AGAP1: variants seen among roughly 807,000 people sequenced by gnomAD.
The protein encoded by AGAP1 is arf-GAP with GTPase, ANK repeat and PH domain-containing protein 1.
In AGAP1, 29 loss-of-function variants were observed where a neutral mutation model predicts 105.3. That is an observed-to-expected ratio of 0.28 (90% CI 0.21 to 0.38). The LOEUF is 0.38. Among genes scored for constraint, AGAP1 ranks in the 10% least tolerant of loss-of-function variants. The probability of loss-of-function intolerance (pLI) is 1.00; values close to 1 mark genes in which losing one functional copy is unlikely to be tolerated. For synonymous variants in AGAP1, 509 were observed against 485.9 expected (o/e 1.05, Z -0.63); for missense variants, 998 against 1,165.1 (o/e 0.86, Z 2.09).
Position 235,962,434 on chromosome 2 carries a change from A to G in AGAP1, c.1484-6028A>G, listed in dbSNP as rs908101592. 2.6e-5 allele frequency among the ~76,000 whole-genome samples: 4 copies of G among 152,072 alleles called. No individual in the cohort carries two copies. The highest frequency in any genetic ancestry group is 9.7e-5 in the African/African-American group (4 of 41,404). ...GTGCGATGCTGCCCGGCTGTATAAG[A>G]AAAACCGTGGGATGTGAGCGGGTTG... On this transcript the variant is annotated intron_variant, in intron 12 of 17. Transcript: ENST00000304032. The surrounding 1 kb of genome is among the most constrained non-coding windows in gnomAD (Gnocchi z 5.3).
chr2:235,695,763 A>G (rs888358401), intron 1 of AGAP1, among the ~76,000 whole-genome samples: 7 of 152,166 alleles, frequency 4.6e-5, no homozygotes, highest in Admixed American at 6.5e-5. Flanking sequence ...CAAAGAAACC[A>G]TGCGTATTCA....
intron 16 of AGAP1, among the ~76,000 whole-genome samples, chr2:236,115,839 C>T (rs1322903630): frequency 6.9e-6 from 1 of 144,368 alleles, no homozygotes; most frequent in Non-Finnish European, 1.5e-5. Context: ...GAGTCTCGCT[C>T]TGTCACCCAG....
In AGAP1 at chr2:235,787,478, A is replaced by C; in HGVS notation, c.674-10281A>C. On this transcript the variant is annotated intron_variant, in intron 6 of 17. Coordinates refer to ENST00000304032, the MANE Select transcript of AGAP1 (RefSeq NM_001037131.3). The surrounding 1 kb of genome is among the most constrained non-coding windows in gnomAD (Gnocchi z 4.4). Reference sequence around the variant, plus strand: ...ATATCCCACATGCTGCCACTTATCTAACACATTGGGAGAGAAAGGTGCAGA... The same window carrying C: ...ATATCCCACATGCTGCCACTTATCTCACACATTGGGAGAGAAAGGTGCAGA... 6.6e-6 allele frequency among the ~76,000 whole-genome samples: 1 copy of C among 152,164 alleles called. No homozygotes were observed. Among genetic ancestry groups the C allele is most frequent in the East Asian group, 1.9e-4 (1 of 5,196 alleles).
chr2:235,662,717 C>G lies in AGAP1; in HGVS notation c.164-46462C>G, dbSNP rs1948002321. ...GAGGAAAGATAGCACAGTGTCATAA[C>G]TCAGCAAAGGTGCTCAGCAGCTGCA... is the stretch of plus-strand genomic sequence containing the variant. On this transcript the variant is annotated intron_variant, in intron 1 of 17. Transcript: ENST00000304032. The surrounding 1 kb of genome is among the most constrained non-coding windows in gnomAD (Gnocchi z 4.2). Among the ~76,000 whole-genome samples the G allele has an allele frequency of 6.6e-6, 1 of 152,132 alleles. No individual in the cohort carries two copies. The highest frequency in any genetic ancestry group is 6.5e-5 in the Admixed American group (1 of 15,278).
chr2:235,622,731 G>A lies in AGAP1; in HGVS notation c.164-86448G>A, dbSNP rs116696347. Among the ~76,000 whole-genome samples the A allele has an allele frequency of 0.024, 3,614 of 152,076 alleles. 136 individuals are homozygous for A. The highest frequency in any genetic ancestry group is 0.08 in the African/African-American group (3,310 of 41,430). On this transcript the variant is annotated intron_variant, in intron 1 of 17. Coordinates refer to ENST00000304032, the MANE Select transcript of AGAP1 (RefSeq NM_001037131.3). This position sits in a 1 kb window ranked among gnomAD's most constrained non-coding sequence, Gnocchi z 5.0. ...GACCACGGTAGCTAATGTTTGTAGC[G>A]CGCTCACGTATGCCAGACTCTTCTT...
In AGAP1 at chr2:235,959,910, C is replaced by A. The variant is rs574467677; in HGVS notation, c.1484-8552C>A. ...CTTGAGTGCCTCCCTTTTGGGCCAC[C>A]GTAGACACCCCACCTCTGAGTGGTC... On this transcript the variant is annotated intron_variant, in intron 12 of 17. Transcript: ENST00000304032. This position sits in a 1 kb window ranked among gnomAD's most constrained non-coding sequence, Gnocchi z 7.3. 6.6e-6 allele frequency among the ~76,000 whole-genome samples: 1 copy of A among 152,306 alleles called. No homozygotes were observed. Among genetic ancestry groups the A allele is most frequent in the African/African-American group, 2.4e-5 (1 of 41,574 alleles).
intron 11 of AGAP1, among the ~76,000 whole-genome samples, chr2:235,926,423 A>G (rs1042757899): frequency 2.2e-4 from 34 of 152,194 alleles, no homozygotes; most frequent in African/African-American, 7.2e-4. Flanking sequence ...CAGCTTCCAC[A>G]GTGTCGTGGC....
Position 235,783,469 on chromosome 2 carries a change from G to A in AGAP1, c.674-14290G>A, listed in dbSNP as rs903391830. ...TCTCATAGAGTCCTGTTAGGAAGCA[G>A]AGGACGGACTGCTGTGTGTCACTGT... On this transcript the variant is annotated intron_variant, in intron 6 of 17. Coordinates refer to ENST00000304032, the MANE Select transcript of AGAP1 (RefSeq NM_001037131.3). 4 of 455,958 alleles carry A rather than the reference G, an allele frequency of 8.8e-6. No individual in the cohort carries two copies. In the Middle Eastern group the frequency reaches 1.0e-3, roughly 113 times the overall value. 28.2% of individuals were successfully genotyped at this position (455,958 alleles called of 1,614,324 possible). A position where few individuals can be genotyped will look rare whatever the true frequency, so the allele number is the denominator to read the frequency against.
At position 235,888,482 on chromosome 2, in the gene AGAP1, G is replaced by A. The variant is rs1559610421; in HGVS notation, c.1155+5033G>A. On this transcript the variant is annotated intron_variant, in intron 10 of 17. Transcript: ENST00000304032. This position sits in a 1 kb window ranked among gnomAD's most constrained non-coding sequence, Gnocchi z 4.8. ...AACCAGTCCTCCCTAGACAAGACAG[G>A]CAAGCAAGGGCCGAGTTGATAGACC... Among the ~76,000 whole-genome samples, 1 of 152,078 alleles carries A rather than the reference G, an allele frequency of 6.6e-6. No individual in the cohort carries two copies. Among genetic ancestry groups the A allele is most frequent in the African/African-American group, 2.4e-5 (1 of 41,430 alleles).
rs1946622992 is a variant in AGAP1, at chr2:235,625,957, G to A, written c.164-83222G>A. The stretch of plus-strand genomic sequence containing the variant: ...TTCGGGGAAGTAGAATATTAGCAGA[G>A]CTATTTGTAAAAATAATGCACAGGC... On this transcript the variant is annotated intron_variant, in intron 1 of 17. Coordinates refer to ENST00000304032, the MANE Select transcript of AGAP1 (RefSeq NM_001037131.3). This position sits in a 1 kb window ranked among gnomAD's most constrained non-coding sequence, Gnocchi z 4.0. Among the ~76,000 whole-genome samples, 1 of 152,128 alleles carries A rather than the reference G, an allele frequency of 6.6e-6. No individual in the cohort carries two copies. The highest frequency in any genetic ancestry group is 1.5e-5 in the Non-Finnish European group (1 of 68,022).
In AGAP1 at chr2:235,836,204, G is replaced by A. The variant is rs145663721; in HGVS notation, c.1050+28873G>A. Among the ~76,000 whole-genome samples the A allele has an allele frequency of 3.6e-4, 55 of 152,316 alleles. 1 individual carries two copies. The highest frequency in any genetic ancestry group is 1.0e-3 in the African/African-American group (43 of 41,564). On this transcript the variant is annotated intron_variant, in intron 9 of 17. Transcript: ENST00000304032. ...GCACAGGTCTAAAGCCCTTTAGCCG[G>A]CTTTTGAATGAAGCAAACTTTTGAT...
At chr2:235,581,544 T>A (rs1247578701) in intron 1 of AGAP1, among the ~76,000 whole-genome samples, 1 of 151,784 alleles carries the variant, frequency 6.6e-6, no homozygotes, top group East Asian at 1.9e-4. Flanking sequence ...CAGTGGCTCA[T>A]GCCTGTAATC....
Position 235,612,801 on chromosome 2 carries a change from G to T in AGAP1, c.164-96378G>T, listed in dbSNP as rs549883575. Reference sequence around the variant, plus strand: ...CTGCTTCCAGGTTGGCCTGCCAGCCGATGTTGTGATCTTGTGGAGGGAATG... The same window carrying T: ...CTGCTTCCAGGTTGGCCTGCCAGCCTATGTTGTGATCTTGTGGAGGGAATG... On this transcript the variant is annotated intron_variant, in intron 1 of 17. Coordinates refer to ENST00000304032, the MANE Select transcript of AGAP1 (RefSeq NM_001037131.3). The surrounding 1 kb of genome is among the most constrained non-coding windows in gnomAD (Gnocchi z 4.3). 2.6e-5 allele frequency among the ~76,000 whole-genome samples: 4 copies of T among 152,104 alleles called. No homozygotes were observed. The highest frequency in any genetic ancestry group is 5.9e-5 in the Non-Finnish European group (4 of 68,022).
At chr2:235,987,415 G>A (rs2055363073) in intron 13 of AGAP1, among the ~76,000 whole-genome samples, 1 of 149,016 alleles carries the variant, frequency 6.7e-6, no homozygotes, top group African/African-American at 2.4e-5. Context: ...TTAGCTAATG[G>A]TCTATCTATT....
Position 236,044,523 on chromosome 2 carries a change from CCTCT to C in AGAP1, c.1891+3686_1891+3689del, listed in dbSNP as rs1441290424. On this transcript the variant is annotated intron_variant, in intron 15 of 17. Transcript: ENST00000304032. The surrounding 1 kb of genome is among the most constrained non-coding windows in gnomAD (Gnocchi z 5.7). Reference sequence around the variant, plus strand: ...CTGCTGCGTGGACCTCACAGGTGCCCCTCTCTCCTGGGCCTTTCTCATGTCTAGA... The same window carrying C: ...CTGCTGCGTGGACCTCACAGGTGCCCCTCCTGGGCCTTTCTCATGTCTAGA... 5.9e-5 allele frequency among the ~76,000 whole-genome samples: 9 copies of C among 152,090 alleles called. No individual in the cohort carries two copies. Among genetic ancestry groups the C allele is most frequent in the African/African-American group, 2.2e-4 (9 of 41,470 alleles).
At position 235,610,246 on chromosome 2, in the gene AGAP1, C is replaced by T. The variant is rs1033037344; in HGVS notation, c.164-98933C>T. On this transcript the variant is annotated intron_variant, in intron 1 of 17. Transcript: ENST00000304032. This position sits in a 1 kb window ranked among gnomAD's most constrained non-coding sequence, Gnocchi z 4.9. ...GCACCGAACATGGCTCTAGCTTCTT[C>T]GTTGGCCAGACAGGATCTGCTGTAT... 1.4e-4 allele frequency among the ~76,000 whole-genome samples: 21 copies of T among 152,178 alleles called. No individual in the cohort carries two copies. Among genetic ancestry groups the T allele is most frequent in the African/African-American group, 4.6e-4 (19 of 41,446 alleles).
intron 1 of AGAP1, among the ~76,000 whole-genome samples, chr2:235,643,635 A>G (rs1379694629): frequency 2.0e-5 from 3 of 151,530 alleles, no homozygotes; most frequent in Non-Finnish European, 2.9e-5. Context: ...GCCCCCAAAC[A>G]TCTCCCCTGG....
chr2:236,092,303 A>C lies in AGAP1; in HGVS notation c.2115-27889A>C, dbSNP rs2059082029. On this transcript the variant is annotated intron_variant, in intron 16 of 17. Transcript: ENST00000304032. The surrounding 1 kb of genome is among the most constrained non-coding windows in gnomAD (Gnocchi z 4.7). ...GTTGTATCCATATCCTATGGTGATA[A>C]CATACTACAGTTTTTCAAGATACTG... Among the ~76,000 whole-genome samples the C allele has an allele frequency of 6.6e-6, 1 of 152,238 alleles. No homozygotes were observed. The highest frequency in any genetic ancestry group is 6.5e-5 in the Admixed American group (1 of 15,276).
chr2:235,793,504 G>A lies in AGAP1; in HGVS notation c.674-4255G>A, dbSNP rs1957098958. ...CAGGGTGTTCGATTGCCACATGGTG[G>A]TGTCATGAGCAGTCCCAGAGCCGTC... On this transcript the variant is annotated intron_variant, in intron 6 of 17. Transcript: ENST00000304032. The surrounding 1 kb of genome is among the most constrained non-coding windows in gnomAD (Gnocchi z 5.3). Among the ~76,000 whole-genome samples, 1 of 152,216 alleles carries A rather than the reference G, an allele frequency of 6.6e-6. No individual in the cohort carries two copies. The highest frequency in any genetic ancestry group is 2.4e-5 in the African/African-American group (1 of 41,466).
Sources: gnomAD v4.1 joint callset for allele counts (sites outside exome capture counted in the v4.1 genomes callset) on GRCh38, gnomAD v4.1.1 for gene constraint, Gnocchi (gnomAD v3.1) non-coding constraint, MANE v1.5 for transcripts, NCBI Gene and HGNC (gene_info 2026-07-23, HGNC 2026-07-21) for gene names.